Variants in ZBTB16 observed in about 807,000 individuals in gnomAD.
ZBTB16 encodes zinc finger and BTB domain containing 16.
Under a neutral mutation model 56.8 loss-of-function variants are expected in ZBTB16, and 8 were observed. The ratio of observed to expected loss-of-function variants is 0.14; its 90% confidence interval spans 0.08 to 0.25. The LOEUF (loss-of-function observed/expected upper bound fraction) is 0.25. ZBTB16 is among the 10% of genes least tolerant of loss of function. The pLI is 1.00. For synonymous variants in ZBTB16, 363 were observed against 368.5 expected (o/e 0.98, Z 0.17); for missense variants, 625 against 903.0 (o/e 0.69, Z 3.95).
chr11:114,152,179 A>G (rs1942294240), intron 2 of ZBTB16, among the ~76,000 whole-genome samples: 2 of 152,214 alleles, frequency 1.3e-5, no homozygotes, highest in African/African-American at 2.4e-5. Context: ...TTTCTCCAGC[A>G]TCCTTGATCA....
At chr11:114,082,590 T>C (rs1591647931) in intron 2 of ZBTB16, among the ~76,000 whole-genome samples, 1 of 152,292 alleles carries the variant, frequency 6.6e-6, no homozygotes, top group East Asian at 1.9e-4. Flanking sequence ...TGCCCCCTGC[T>C]CCTTCCCTGC....
chr11:114,182,695 C>T (rs776412425), intron 3 of ZBTB16, among the ~76,000 whole-genome samples: 1 of 152,174 alleles, frequency 6.6e-6, no homozygotes, highest in Non-Finnish European at 1.5e-5. Flanking sequence ...TGACCTTCTT[C>T]CCTCCCACTT....
At chr11:114,241,500 T>C (rs1399228058) in intron 4 of ZBTB16, among the ~76,000 whole-genome samples, 1 of 152,226 alleles carries the variant, frequency 6.6e-6, no homozygotes, top group East Asian at 1.9e-4. Flanking sequence ...GGATCCAGGC[T>C]GCACACTCCT....
chr11:114,222,942 C>A (rs1944259568), intron 4 of ZBTB16, among the ~76,000 whole-genome samples: 3 of 152,132 alleles, frequency 2.0e-5, no homozygotes, highest in African/African-American at 7.2e-5. Flanking sequence ...GGGCAGCTCA[C>A]AGCAGGCCCT....
Position 114,205,830 on chromosome 11 carries a change from GCT to G in ZBTB16, c.1453+18793_1453+18794del, listed in dbSNP as rs562739738. Among the ~76,000 whole-genome samples the G allele has an allele frequency of 5.9e-3, 894 of 152,322 alleles. 5 individuals are homozygous for G. The highest frequency in any genetic ancestry group is 8.0e-3 in the Non-Finnish European group (543 of 68,032). ...CAAGGGGGAGACTCTGCATCTGAAA[GCT>G]GCCCCTTGGGCCCTAGAGTCACTCT... On this transcript the variant is annotated intron_variant, in intron 4 of 6. Coordinates refer to ENST00000335953, the MANE Select transcript of ZBTB16 (RefSeq NM_006006.6).
At chr11:114,062,791 C>T (rs1938935216) in intron 1 of ZBTB16, among the ~76,000 whole-genome samples, 1 of 152,176 alleles carries the variant, frequency 6.6e-6, no homozygotes, top group South Asian at 2.1e-4. Flanking sequence ...AGGGGGCTGG[C>T]GTGAAGCTGA....
At position 114,235,726 on chromosome 11, in the gene ZBTB16, C is replaced by CTT. The variant is rs1303629957; in HGVS notation, c.1454-6439_1454-6438dup. 2.9e-4 allele frequency among the ~76,000 whole-genome samples: 38 copies of CTT among 130,876 alleles called. 1 individual carries two copies. Among genetic ancestry groups the CTT allele is most frequent in the South Asian group, 2.2e-3 (9 of 4,088 alleles). 85.9% of individuals were successfully genotyped at this position (130,876 alleles called of 152,430 possible). A position where few individuals can be genotyped will look rare whatever the true frequency, so the allele number is the denominator to read the frequency against. Reference sequence around the variant, plus strand: ...TTCTTTTCTTTCTTTCTTTTTCTTTCTTTCTTTCTTTTCTTTTCTTTCCTT... The same window carrying CTT: ...TTCTTTTCTTTCTTTCTTTTTCTTTCTTTTTCTTTCTTTTCTTTTCTTTCCTT... On this transcript the variant is annotated intron_variant, in intron 4 of 6. Transcript: ENST00000335953.
At chr11:114,225,197 T>C (rs762598442) in intron 4 of ZBTB16, among the ~76,000 whole-genome samples, 7 of 152,108 alleles carry the variant, frequency 4.6e-5, no homozygotes, top group African/African-American at 9.7e-5. Flanking sequence ...GGGAGATTTT[T>C]GAAGATCAAA....
At chr11:114,154,907 TGG>T (rs1477791741) in intron 2 of ZBTB16, among the ~76,000 whole-genome samples, 1 of 152,224 alleles carries the variant, frequency 6.6e-6, no homozygotes, top group Non-Finnish European at 1.5e-5. Flanking sequence ...CCTCATGCTG[TGG>T]GAGCCCATTG....
intron 1 of ZBTB16, among the ~76,000 whole-genome samples, chr11:114,061,714 C>T (rs1431158706): frequency 1.3e-5 from 2 of 152,212 alleles, no homozygotes; most frequent in Non-Finnish European, 2.9e-5. Context: ...GGTTTGGAGT[C>T]TAGGAGCCCT....
chr11:114,167,904 G>A (rs1436348955), intron 3 of ZBTB16, among the ~76,000 whole-genome samples: 1 of 152,146 alleles, frequency 6.6e-6, no homozygotes, highest in African/African-American at 2.4e-5. Context: ...TGCCCGACCG[G>A]CGAGCGTTCC....
At chr11:114,210,162 AGT>A (rs139074973) in intron 4 of ZBTB16, among the ~76,000 whole-genome samples, 2,891 of 134,702 alleles carry the variant, frequency 0.021, 31 homozygotes, top group East Asian at 0.035. Flanking sequence ...AGCCAAAGCT[AGT>A]GTGTGTGTGT....
chr11:114,134,412 A>C (rs959149458), intron 2 of ZBTB16, among the ~76,000 whole-genome samples: 1 of 151,814 alleles, frequency 6.6e-6, no homozygotes, highest in Non-Finnish European at 1.5e-5. Flanking sequence ...AGCAGAAGGC[A>C]AGGTGGGGAA....
intron 2 of ZBTB16, among the ~76,000 whole-genome samples, chr11:114,074,063 G>T (rs1939449277): frequency 6.6e-6 from 1 of 152,216 alleles, no homozygotes; most frequent in Non-Finnish European, 1.5e-5. Context: ...CTTCTGTGAA[G>T]TGAGGTTAGC....
At chr11:114,222,529 G>T (rs1022481905) in intron 4 of ZBTB16, among the ~76,000 whole-genome samples, 1 of 152,094 alleles carries the variant, frequency 6.6e-6, no homozygotes, top group East Asian at 1.9e-4. Flanking sequence ...ATCCCTGGGG[G>T]CTGCCTGTAT....
At chr11:114,186,630 C>T (rs1455839862) in intron 3 of ZBTB16, among the ~76,000 whole-genome samples, 1 of 27,810 alleles carries the variant, frequency 3.6e-5, no homozygotes, top group East Asian at 1.3e-3. Flanking sequence ...TTTCTCCTGT[C>T]CCCCCCATCA....
intron 2 of ZBTB16, among the ~76,000 whole-genome samples, chr11:114,141,540 G>A (rs1013360776): frequency 2.0e-5 from 3 of 152,194 alleles, no homozygotes; most frequent in African/African-American, 7.2e-5. Flanking sequence ...TCAGTGTTGT[G>A]CTAAGTTGTT....
intron 2 of ZBTB16, among the ~76,000 whole-genome samples, chr11:114,111,153 C>CTGTGTGTG (rs1252803384): frequency 2.1e-5 from 2 of 95,038 alleles, no homozygotes; most frequent in African/African-American, 1.2e-4. Flanking sequence ...GAGATCTGTG[C>CTGTGTGTG]TGCGTGTGTG....
At chr11:114,098,453 A>G (rs1940495636) in intron 2 of ZBTB16, among the ~76,000 whole-genome samples, 1 of 152,006 alleles carries the variant, frequency 6.6e-6, no homozygotes, top group Admixed American at 6.6e-5. Context: ...TTCCCACTTA[A>G]TGTAACTATA....
Sources: gnomAD v4.1 joint callset for allele counts (sites outside exome capture counted in the v4.1 genomes callset) on GRCh38, gnomAD v4.1.1 for gene constraint, MANE v1.5 for transcripts, NCBI Gene and HGNC (gene_info 2026-07-23, HGNC 2026-07-21) for gene names.